Variants in IL18 observed in about 807,000 individuals in gnomAD.
IL18 encodes the protein interleukin-18.
IL18 carries 8 observed loss-of-function variants against 14.2 expected under a neutral mutation model. That is an observed-to-expected ratio of 0.56 (90% confidence interval 0.33 to 1.01). IL18 has a LOEUF of 1.01. Among genes scored for constraint, IL18 ranks in the 50% least tolerant of loss-of-function variants. The probability of loss-of-function intolerance (pLI) is 0.03; values close to 1 mark genes in which losing one functional copy is unlikely to be tolerated. For synonymous variants in IL18, 67 were observed against 71.0 expected, an observed-to-expected ratio of 0.94 and a Z score of 0.28; for missense variants, 166 against 231.1, an observed-to-expected ratio of 0.72 and a Z score of 1.83.
At chr11:112,154,678 A>G (rs1301262767) in intron 2 of IL18, among the ~76,000 whole-genome samples, 1 of 152,194 alleles carries the variant, frequency 6.6e-6, no homozygotes. Flanking sequence ...TCCCATGGAA[A>G]TCCAATGAAA....
chr11:112,161,942 T>C (rs1314303994), intron 1 of IL18, among the ~76,000 whole-genome samples: 2 of 152,180 alleles, frequency 1.3e-5, no homozygotes, highest in African/African-American at 4.8e-5. Flanking sequence ...GGGAGCATGC[T>C]ACATAATTAA....
Position 112,160,344 on chromosome 11 carries a change from C to T in IL18, c.-9+3562G>A, listed in dbSNP as rs550795790. 2.7e-5 allele frequency among the ~76,000 whole-genome samples: 4 copies of T among 147,696 alleles called. No homozygotes were observed. The Admixed American group carries it at 2.7e-4, about 10-fold the overall frequency. On this transcript the variant is annotated intron_variant, in intron 1 of 5. Coordinates refer to ENST00000280357, the MANE Select transcript of IL18 (RefSeq NM_001562.4). ...TTTTTTTTGCCTGCAAACCCTGCCT[C>T]ATCTTTCATCCCGTAACTCCCAGCT...
At chr11:112,144,118 T>A (rs1442158364) in intron 5 of IL18, among the ~76,000 whole-genome samples, 1 of 152,108 alleles carries the variant, frequency 6.6e-6, no homozygotes, top group East Asian at 1.9e-4. Context: ...TTAAGTAGAG[T>A]TCCAGCAAAG....
intron 5 of IL18, among the ~76,000 whole-genome samples, chr11:112,145,187 T>C (rs1866314857): frequency 6.6e-6 from 1 of 152,182 alleles, no homozygotes; most frequent in African/African-American, 2.4e-5. Context: ...TCTCAATCAG[T>C]TGTGGAATCA....
At chr11:112,147,534 T>C (rs930582916) in intron 5 of IL18, among the ~76,000 whole-genome samples, 14 of 152,116 alleles carry the variant, frequency 9.2e-5, no homozygotes, top group African/African-American at 3.4e-4. Flanking sequence ...CCAGGCCTCT[T>C]ATGCTATTTT....
intron 5 of IL18, among the ~76,000 whole-genome samples, chr11:112,146,357 G>C (rs949336589): frequency 2.0e-5 from 3 of 152,114 alleles, no homozygotes; most frequent in Admixed American, 1.3e-4. Context: ...GTCTCATTCT[G>C]TCGCCCAGGC....
Position 112,154,988 on chromosome 11 carries a change from C to T in IL18, c.66G>A (p.Thr22=), listed in dbSNP as rs200077778. 8.1e-6 allele frequency: 13 copies of T among 1,604,218 alleles called. No individual in the cohort carries two copies. The highest frequency in any genetic ancestry group is 7.7e-5 in the South Asian group (7 of 90,868). The stretch of plus-strand genomic sequence containing the variant: ...CATTAGCCTTACCTATAAAGTAAAG[C>T]GTATTGTCAATAAATTTCATTGCCA... ...NFVAMKFIDN[T]LYFIAEDDEN... The change falls in exon 2 of 6, where the codon ACG becomes ACA. Residue 22 remains threonine (T), a synonymous_variant. Transcript: ENST00000280357.
At chr11:112,150,030 A>G (rs1384824196) in intron 4 of IL18, 42 bp downstream of exon 4, 1 of 1,538,324 alleles carries the variant, frequency 6.5e-7, no homozygotes, top group African/African-American at 1.4e-5. Context: ...GAATGGGAAG[A>G]AGTAGCTAGT....
intron 3 of IL18, 91 bp downstream of exon 3, chr11:112,153,499 ATT>A: frequency 7.0e-5 from 46 of 657,272 alleles, no homozygotes; most frequent in South Asian, 1.1e-4. Context: ...CATGAGAACC[ATT>A]TTTTTTTTTC....
chr11:112,143,518 G>A lies in IL18; in HGVS notation c.*78C>T, dbSNP rs1340048021. ...GCTGGTCTTGAACACCTGACCTCTGGTGATCTGCCCGCCTCAGCCTCCCAA... is the reference window on the plus strand; with the variant it reads ...GCTGGTCTTGAACACCTGACCTCTGATGATCTGCCCGCCTCAGCCTCCCAA... On this transcript the variant is annotated 3_prime_UTR_variant, in exon 6 of 6. Coordinates refer to ENST00000280357, the MANE Select transcript of IL18 (RefSeq NM_001562.4). 3.4e-6 allele frequency: 3 copies of A among 885,646 alleles called. No homozygotes were observed. The highest frequency in any genetic ancestry group is 3.3e-5 in the African/African-American group (2 of 60,160). 54.9% of individuals were successfully genotyped at this position (885,646 alleles called of 1,614,324 possible).
At chr11:112,153,271 C>T in intron 3 of IL18, 1 of 239,146 alleles carries the variant, frequency 4.2e-6, no homozygotes, top group African/African-American at 2.2e-5. Flanking sequence ...TCCCTTTTTC[C>T]TATGCAACGC....
chr11:112,143,349 C>T lies in IL18; in HGVS notation c.*247G>A, dbSNP rs1176244815. 5.3e-5 allele frequency: 18 copies of T among 337,690 alleles called. No homozygotes were observed. The highest frequency in any genetic ancestry group is 9.1e-5 in the Admixed American group (2 of 21,880). The allele number at this position is 337,690 out of a possible 1,614,324, so 20.9% of individuals were successfully genotyped here. Reference sequence around the variant, plus strand: ...AGGCTAGAGCGCAATGGTGCAATCTCGGCTCACCACAACCTCTACCTCCGG... The same window carrying T: ...AGGCTAGAGCGCAATGGTGCAATCTTGGCTCACCACAACCTCTACCTCCGG... On this transcript the variant is annotated 3_prime_UTR_variant, in exon 6 of 6. Coordinates refer to ENST00000280357, the MANE Select transcript of IL18 (RefSeq NM_001562.4).
chr11:112,162,625 G>A (rs1158665978), intron 1 of IL18, among the ~76,000 whole-genome samples: 4 of 152,134 alleles, frequency 2.6e-5, no homozygotes, highest in African/African-American at 4.8e-5. Flanking sequence ...GATTACAGGA[G>A]TGAGCCACTG....
At chr11:112,145,717 C>A (rs538483182) in intron 5 of IL18, among the ~76,000 whole-genome samples, 1 of 149,254 alleles carries the variant, frequency 6.7e-6, no homozygotes, top group Non-Finnish European at 1.5e-5. Flanking sequence ...CTAGCCTGGG[C>A]GACAGAGCGA....
chr11:112,157,739 C>G (rs574686819), intron 1 of IL18, among the ~76,000 whole-genome samples: 5 of 151,694 alleles, frequency 3.3e-5, no homozygotes, highest in Non-Finnish European at 7.4e-5. Flanking sequence ...GCGGGGAGAC[C>G]GAGAAAATAT....
intron 1 of IL18, among the ~76,000 whole-genome samples, chr11:112,160,347 C>A (rs1298780537): frequency 1.4e-5 from 2 of 143,722 alleles, no homozygotes; most frequent in African/African-American, 5.1e-5. Context: ...CCTGCCTCAT[C>A]TTTCATCCCG....
At chr11:112,146,927 C>CTTTTTTTTTTTTTTTTTT (rs36051933) in intron 5 of IL18, among the ~76,000 whole-genome samples, 1 of 125,362 alleles carries the variant, frequency 8.0e-6, no homozygotes, top group Non-Finnish European at 1.7e-5. Context: ...GGTAATTTTA[C>CTTTTTTTTTTTTTTTTTT]TTTTTTTTTT....
At position 112,143,636 on chromosome 11, in the gene IL18, C is replaced by G; in HGVS notation, c.542G>C (p.Gly181Ala). ...KLILKKEDEL[G>A]DRSIMFTVQN... is the part of the protein sequence containing the mutation. ...AACAGTGAACATTATAGATCTATCC[C>G]CCAATTCATCCTCTTTTTTCAAAAT... Residue 181 changes from glycine to alanine, a missense_variant, in exon 6 of 6, where the codon GGG (glycine) becomes GCG (alanine). By Grantham distance (60) the Gly-to-Ala change is moderately conservative (BLOSUM62 0). Coordinates refer to ENST00000280357, the MANE Select transcript of IL18 (RefSeq NM_001562.4). The G allele has an allele frequency of 6.2e-7, 1 of 1,612,702 alleles. No individual in the cohort carries two copies. The highest frequency in any genetic ancestry group is 8.5e-7 in the Non-Finnish European group (1 of 1,179,112).
At chr11:112,160,978 T>C (rs1866621510) in intron 1 of IL18, among the ~76,000 whole-genome samples, 2 of 152,158 alleles carry the variant, frequency 1.3e-5, no homozygotes, top group Non-Finnish European at 2.9e-5. Flanking sequence ...TCCTTTCTCA[T>C]CCGTGTTTCT....
Sources: gnomAD v4.1 joint callset for allele counts (sites outside exome capture counted in the v4.1 genomes callset) on GRCh38, gnomAD v4.1.1 for gene constraint, MANE v1.5 for transcripts, NCBI Gene and HGNC (gene_info 2026-07-23, HGNC 2026-07-21) for gene names.